SORCS1: variants seen among roughly 807,000 people sequenced by gnomAD.
SORCS1 encodes the protein VPS10 domain-containing receptor SorCS1.
Under a neutral mutation model 146.1 loss-of-function variants are expected in SORCS1, and 60 were observed. That is an observed-to-expected ratio of 0.41 (90% confidence interval 0.33 to 0.51). The LOEUF (loss-of-function observed/expected upper bound fraction) is 0.51. SORCS1 is among the 20% of genes least tolerant of loss of function. SORCS1 has a pLI of 0.21. For synonymous variants in SORCS1, 637 were observed against 584.0 expected (o/e 1.09, Z -1.31); for missense variants, 1,352 against 1,487.6 (o/e 0.91, Z 1.50).
intron 2 of SORCS1, among the ~76,000 whole-genome samples, chr10:106,900,074 C>G (rs926634390): frequency 6.6e-6 from 1 of 152,056 alleles, no homozygotes. Context: ...CCCTTGGGAC[C>G]ATCCTTCCCA....
At chr10:106,590,436 G>T (rs1328766279) in intron 24 of SORCS1, among the ~76,000 whole-genome samples, 1 of 152,118 alleles carries the variant, frequency 6.6e-6, no homozygotes, top group Non-Finnish European at 1.5e-5. Context: ...GTCATGTGAA[G>T]AATAAGATGA....
At chr10:107,040,954 A>C (rs1959128514) in intron 1 of SORCS1, among the ~76,000 whole-genome samples, 1 of 152,212 alleles carries the variant, frequency 6.6e-6, no homozygotes, top group Non-Finnish European at 1.5e-5. Context: ...TGTTAATATA[A>C]TACTTGTTTG....
intron 6 of SORCS1, among the ~76,000 whole-genome samples, chr10:106,716,058 T>C (rs982877621): frequency 1.3e-5 from 2 of 152,222 alleles, no homozygotes; most frequent in African/African-American, 4.8e-5. Context: ...GCCACTTCTT[T>C]CTTTTTATAT....
chr10:106,689,488 C>T (rs566227841), intron 9 of SORCS1, among the ~76,000 whole-genome samples: 1 of 152,274 alleles, frequency 6.6e-6, no homozygotes, highest in Non-Finnish European at 1.5e-5. Context: ...CTTTCTGGAA[C>T]ACACCTAGGG....
intron 13 of SORCS1, among the ~76,000 whole-genome samples, chr10:106,677,090 T>A (rs1478427280): frequency 6.6e-6 from 1 of 152,178 alleles, no homozygotes; most frequent in Non-Finnish European, 1.5e-5. Context: ...ATTGCCCATA[T>A]CCTTGGCTGC....
At position 106,647,389 on chromosome 10, in the gene SORCS1, T is replaced by TACACACACACACACACAC. The variant is rs3044913; in HGVS notation, c.2475+4975_2475+4992dup. On this transcript the variant is annotated intron_variant, in intron 18 of 25. Transcript: ENST00000263054. The stretch of plus-strand genomic sequence containing the variant: ...TGTATTTTGATGCTATTATAAATTT[T>TACACACACACACACACAC]ACACACACACACACACACACACACA... Among the ~76,000 whole-genome samples, 1,407 of 147,380 alleles carry TACACACACACACACACAC rather than the reference T, an allele frequency of 9.5e-3. 14 individuals are homozygous for TACACACACACACACACAC. The highest frequency in any genetic ancestry group is 0.013 in the South Asian group (61 of 4,594).
Position 106,806,435 on chromosome 10 carries a change from T to C in SORCS1, c.726+23139A>G, listed in dbSNP as rs1216406720. 2.6e-5 allele frequency among the ~76,000 whole-genome samples: 3 copies of C among 115,806 alleles called. No homozygotes were observed. The East Asian group carries it at 6.2e-4, about 24-fold the overall frequency. The allele number at this position is 115,806 out of a possible 152,430, so 76.0% of individuals were successfully genotyped here. ...AAAATAAAATAAAATAAAATAATCA[T>C]GGAGTAGCGTCTACCTACCCATGGA... is the stretch of plus-strand genomic sequence containing the variant. On this transcript the variant is annotated intron_variant, in intron 3 of 25. Coordinates refer to ENST00000263054, the MANE Select transcript of SORCS1 (RefSeq NM_052918.5).
chr10:107,121,924 T>C (rs999679094), intron 1 of SORCS1, among the ~76,000 whole-genome samples: 1 of 152,176 alleles, frequency 6.6e-6, no homozygotes, highest in African/African-American at 2.4e-5. Context: ...AATGTATTTA[T>C]TATATAATAA....
At chr10:106,888,910 AT>A (rs1274355860) in intron 2 of SORCS1, among the ~76,000 whole-genome samples, 1 of 152,224 alleles carries the variant, frequency 6.6e-6, no homozygotes, top group Non-Finnish European at 1.5e-5. Flanking sequence ...CATCTGTAAA[AT>A]TTGAAAGTAT....
chr10:106,609,118 A>G (rs1440503565), intron 22 of SORCS1, among the ~76,000 whole-genome samples: 1 of 152,214 alleles, frequency 6.6e-6, no homozygotes, highest in Non-Finnish European at 1.5e-5. Flanking sequence ...AAGGCCATCT[A>G]GGAAGTGACT....
At chr10:106,698,579 C>T (rs1482675316) in intron 9 of SORCS1, among the ~76,000 whole-genome samples, 1 of 152,128 alleles carries the variant, frequency 6.6e-6, no homozygotes, top group Admixed American at 6.5e-5. Flanking sequence ...CCAACCAATC[C>T]AACATACATG....
upstream of SORCS1, among the ~76,000 whole-genome samples, chr10:107,168,031 A>T (rs1380986775): frequency 6.6e-6 from 1 of 152,194 alleles, no homozygotes; most frequent in African/African-American, 2.4e-5. Flanking sequence ...CATCACAAAC[A>T]GAATAATATC....
intron 24 of SORCS1, among the ~76,000 whole-genome samples, chr10:106,582,648 T>C (rs751547809): frequency 1.6e-4 from 25 of 152,242 alleles, no homozygotes; most frequent in Non-Finnish European, 2.9e-4. Flanking sequence ...CCCTTTCCAG[T>C]TGCAGCTTAA....
chr10:107,062,016 T>C (rs1961278200), intron 1 of SORCS1, among the ~76,000 whole-genome samples: 1 of 152,142 alleles, frequency 6.6e-6, no homozygotes, highest in Admixed American at 6.6e-5. Context: ...TTAATCTTCA[T>C]AGCCATCCTC....
At chr10:107,071,197 G>A (rs185105019) in intron 1 of SORCS1, among the ~76,000 whole-genome samples, 284 of 141,800 alleles carry the variant, frequency 2.0e-3, no homozygotes, top group Non-Finnish European at 3.4e-3. Context: ...CAGCCTTTAC[G>A]GCAGAAAAAA....
intron 2 of SORCS1, among the ~76,000 whole-genome samples, chr10:106,908,551 C>T (rs993299587): frequency 6.6e-6 from 1 of 152,164 alleles, no homozygotes. Context: ...GATTCAGCCA[C>T]AGCTGAAGAG....
At chr10:106,688,086 T>G in intron 10 of SORCS1, 106 bp downstream of exon 10, 1 of 1,475,616 alleles carries the variant, frequency 6.8e-7, no homozygotes, top group South Asian at 1.4e-5. Context: ...CACTCCCTTT[T>G]GTTCATCAAC....
Position 106,624,383 on chromosome 10 carries a change from C to T in SORCS1, c.2663-3822G>A, listed in dbSNP as rs959877949. On this transcript the variant is annotated intron_variant, in intron 19 of 25. Transcript: ENST00000263054. ...TTTTTTTTTTTTTTTTTTTTTGAGA[C>T]GGAGTTTCGCTCTGTCACCCAGACT... Among the ~76,000 whole-genome samples, 45 of 81,800 alleles carry T rather than the reference C, an allele frequency of 5.5e-4. No homozygotes were observed. In the East Asian group the frequency reaches 8.8e-3, roughly 16 times the overall value. 53.7% of individuals were successfully genotyped at this position (81,800 alleles called of 152,430 possible). A position where few individuals can be genotyped will look rare whatever the true frequency, so the allele number is the denominator to read the frequency against.
chr10:106,638,788 A>G (rs940392649), intron 18 of SORCS1, among the ~76,000 whole-genome samples: 1 of 152,148 alleles, frequency 6.6e-6, no homozygotes, highest in East Asian at 1.9e-4. Flanking sequence ...GCCCTACAAA[A>G]GTCAGGTGGC....
Sources: gnomAD v4.1 joint callset for allele counts (sites outside exome capture counted in the v4.1 genomes callset) on GRCh38, gnomAD v4.1.1 for gene constraint, MANE v1.5 for transcripts, NCBI Gene and HGNC (gene_info 2026-07-23, HGNC 2026-07-21) for gene names.